SZRD1: variants seen among roughly 807,000 people sequenced by gnomAD.
SZRD1 encodes SUZ RNA binding domain containing 1.
In SZRD1, 7 loss-of-function variants were observed where a neutral mutation model predicts 17.6. The ratio of observed to expected loss-of-function variants is 0.40; its 90% CI spans 0.23 to 0.75. SZRD1 has a LOEUF of 0.75. Ranked by LOEUF, SZRD1 falls within the 30% of genes least tolerant of loss-of-function variation. SZRD1 has a pLI of 0.38. For missense variants in SZRD1, 178 were observed against 201.8 expected (o/e 0.88, Z 0.71); for synonymous variants, 77 against 77.9 (o/e 0.99, Z 0.06).
In SZRD1 at chr1:16,395,431, C is replaced by T; in HGVS notation, c.*291C>T. 2.3e-6 allele frequency: 1 copy of T among 440,272 alleles called. No individual in the cohort carries two copies. The highest frequency in any genetic ancestry group is 4.2e-6 in the Non-Finnish European group (1 of 236,484). The allele number at this position is 440,272 out of a possible 1,614,324, so 27.3% of individuals were successfully genotyped here. A position where few individuals can be genotyped will look rare whatever the true frequency, so the allele number is the denominator to read the frequency against. ...AGGTTGGGGGGACCCAGCAAGGACT[C>T]AGAGAGTCAGACAGTGCCACTTGGC... is the stretch of plus-strand genomic sequence containing the variant. On this transcript the variant is annotated 3_prime_UTR_variant, in exon 4 of 4. Coordinates refer to ENST00000401088, the MANE Select transcript of SZRD1 (RefSeq NM_001114600.3).
Position 16,391,226 on chromosome 1 carries a change from C to A in SZRD1, c.52-149C>A. On this transcript the variant is annotated intron_variant, in intron 1 of 3. Transcript: ENST00000401088. This position sits in a 1 kb window ranked among gnomAD's most constrained non-coding sequence, Gnocchi z 4.3. ...TGCAGAGGGTATCAGGTCCCCAAACCCCAAAATCTAGTCCACATTTGTTAT... is the reference window on the plus strand; with the variant it reads ...TGCAGAGGGTATCAGGTCCCCAAACACCAAAATCTAGTCCACATTTGTTAT... The A allele has an allele frequency of 1.5e-6, 1 of 646,064 alleles. No individual in the cohort carries two copies. Among genetic ancestry groups the A allele is most frequent in the Non-Finnish European group, 2.7e-6 (1 of 367,074 alleles). 40.0% of individuals were successfully genotyped at this position (646,064 alleles called of 1,614,324 possible).
At chr1:16,386,856 G>A (rs183805081) in intron 1 of SZRD1, among the ~76,000 whole-genome samples, 1 of 152,234 alleles carries the variant, frequency 6.6e-6, no homozygotes, top group East Asian at 1.9e-4. Flanking sequence ...GGAATTGGGG[G>A]AGATGACCAA....
At chr1:16,369,162 TTCC>T (rs2082869534) in intron 1 of SZRD1, 2 of 443,062 alleles carry the variant, frequency 4.5e-6, no homozygotes, top group African/African-American at 2.0e-5. Context: ...AATCCTCATC[TTCC>T]TCCTCTTTGT....
chr1:16,395,177 A>ACCGCCTCCTGGGTCGT lies in SZRD1; in HGVS notation c.*43_*58dup. 1 of 1,488,872 alleles carries ACCGCCTCCTGGGTCGT rather than the reference A, an allele frequency of 6.7e-7. No homozygotes were observed. Among genetic ancestry groups the ACCGCCTCCTGGGTCGT allele is most frequent in the Non-Finnish European group, 9.4e-7 (1 of 1,066,406 alleles). The allele number at this position is 1,488,872 out of a possible 1,614,324, so 92.2% of individuals were successfully genotyped here. On this transcript the variant is annotated 3_prime_UTR_variant, in exon 4 of 4. Coordinates refer to ENST00000401088, the MANE Select transcript of SZRD1 (RefSeq NM_001114600.3). ...AAAAGATGCCGCCGTTGCTGCCGTCACCGCCTCCTGGGTCGTCCGCCACGG... is the reference window on the plus strand; with the variant it reads ...AAAAGATGCCGCCGTTGCTGCCGTCACCGCCTCCTGGGTCGTCCGCCTCCTGGGTCGTCCGCCACGG...
At chr1:16,379,265 G>A (rs1399430853) in intron 1 of SZRD1, among the ~76,000 whole-genome samples, 1 of 150,828 alleles carries the variant, frequency 6.6e-6, no homozygotes, top group Non-Finnish European at 1.5e-5. Context: ...GACTACATGT[G>A]CCTGCCACCA....
intron 1 of SZRD1, among the ~76,000 whole-genome samples, chr1:16,380,376 CTCACTGCTG>C (rs1488762638): frequency 4.6e-5 from 7 of 151,986 alleles, no homozygotes; most frequent in African/African-American, 1.7e-4. Flanking sequence ...ATGATCTCAG[CTCACTGCTG>C]AGATCCTCCC....
At chr1:16,383,545 A>G (rs2083140214) in intron 1 of SZRD1, among the ~76,000 whole-genome samples, 1 of 150,634 alleles carries the variant, frequency 6.6e-6, no homozygotes, top group Non-Finnish European at 1.5e-5. Context: ...TAGAAGCAAC[A>G]TTTTAAAAGT....
At chr1:16,374,058 C>G (rs947512561) in intron 1 of SZRD1, among the ~76,000 whole-genome samples, 1 of 151,882 alleles carries the variant, frequency 6.6e-6, no homozygotes, top group Non-Finnish European at 1.5e-5. Context: ...AACAAAACAA[C>G]AAAAAAAGGC....
At chr1:16,379,875 C>G (rs2083068883) in intron 1 of SZRD1, among the ~76,000 whole-genome samples, 1 of 151,804 alleles carries the variant, frequency 6.6e-6, no homozygotes, top group Non-Finnish European at 1.5e-5. Flanking sequence ...ATTCTCCTGC[C>G]TCAGCCTCCC....
intron 1 of SZRD1, among the ~76,000 whole-genome samples, chr1:16,376,096 T>C (rs1421563971): frequency 2.0e-5 from 3 of 152,220 alleles, no homozygotes; most frequent in African/African-American, 7.2e-5. Flanking sequence ...TCATTAGCAG[T>C]GACCTTGTGA....
At chr1:16,383,138 G>T (rs2083134157) in intron 1 of SZRD1, among the ~76,000 whole-genome samples, 3 of 152,006 alleles carry the variant, frequency 2.0e-5, no homozygotes, top group Admixed American at 1.3e-4. Context: ...AGACACATGG[G>T]TAATTTTATA....
intron 1 of SZRD1, among the ~76,000 whole-genome samples, chr1:16,374,280 G>T (rs986145512): frequency 6.6e-6 from 1 of 152,190 alleles, no homozygotes; most frequent in Admixed American, 6.5e-5. Flanking sequence ...GTCCTCAGAA[G>T]GGGCTTTCTG....
In SZRD1 at chr1:16,380,026, A is replaced by G. The variant is rs12073106; in HGVS notation, c.52-11349A>G. ...TGGGTACTATTTTAGACATTGGACA[A>G]ATGCAGTGAATGAAGTTTCTGCTCT... On this transcript the variant is annotated intron_variant, in intron 1 of 3. Coordinates refer to ENST00000401088, the MANE Select transcript of SZRD1 (RefSeq NM_001114600.3). Among the ~76,000 whole-genome samples, 1,376 of 152,256 alleles carry G rather than the reference A, an allele frequency of 9.0e-3. 16 individuals carry two copies. Among genetic ancestry groups the G allele is most frequent in the African/African-American group, 0.032 (1,321 of 41,546 alleles).
chr1:16,389,274 GGT>G lies in SZRD1; in HGVS notation c.52-2099_52-2098del, dbSNP rs1481023771. On this transcript the variant is annotated intron_variant, in intron 1 of 3. Transcript: ENST00000401088. ...AATTTTTTGTATTTTTTTGAGGGGGGGTGGGGGGGGGGCAGAGTCTTGCTCTG... is the reference window on the plus strand; with the variant it reads ...AATTTTTTGTATTTTTTTGAGGGGGGGGGGGGGGGGCAGAGTCTTGCTCTG... Among the ~76,000 whole-genome samples, 780 of 133,072 alleles carry G rather than the reference GGT, an allele frequency of 5.9e-3. 9 individuals carry two copies. Among genetic ancestry groups the G allele is most frequent in the Non-Finnish European group, 7.7e-3 (485 of 62,792 alleles). The allele number at this position is 133,072 out of a possible 152,430, so 87.3% of individuals were successfully genotyped here.
chr1:16,374,176 CAGAA>C (rs549249762), intron 1 of SZRD1, among the ~76,000 whole-genome samples: 13 of 152,302 alleles, frequency 8.5e-5, no homozygotes, highest in Admixed American at 7.2e-4. Flanking sequence ...TGTGGTATCA[CAGAA>C]AGCACAGTTC....
rs192697708 is a variant in SZRD1 at position 16,378,952 on chromosome 1, C to T, written c.51+11644C>T. Among the ~76,000 whole-genome samples the T allele has an allele frequency of 3.6e-3, 539 of 151,798 alleles. 2 individuals carry two copies. Among genetic ancestry groups the T allele is most frequent in the Non-Finnish European group, 5.1e-3 (345 of 67,926 alleles). ...ATTTTGACCAGGCTGGTCTCGAGCTCCTGACCTCAGGGGATCCACCCGCCT... is the reference window on the plus strand; with the variant it reads ...ATTTTGACCAGGCTGGTCTCGAGCTTCTGACCTCAGGGGATCCACCCGCCT... On this transcript the variant is annotated intron_variant, in intron 1 of 3. Transcript: ENST00000401088.
At chr1:16,394,928 C>A (rs2085283742) in intron 3 of SZRD1, 110 bp from the exon 4 acceptor site, 1 of 689,468 alleles carries the variant, frequency 1.5e-6, no homozygotes, top group Admixed American at 2.8e-5. Context: ...GCACTCCAAT[C>A]TAGGTGACAG....
At chr1:16,394,006 T>C (rs2085262190) in intron 3 of SZRD1, among the ~76,000 whole-genome samples, 1 of 152,210 alleles carries the variant, frequency 6.6e-6, no homozygotes, top group South Asian at 2.1e-4. Context: ...CTGTGATGTT[T>C]TTGTGAATTT....
chr1:16,393,291 G>T lies in SZRD1; in HGVS notation c.165G>T (p.Gly55=), dbSNP rs370945169. 1.8e-4 allele frequency: 290 copies of T among 1,614,008 alleles called. No homozygotes were observed. The highest frequency in any genetic ancestry group is 2.2e-4 in the Non-Finnish European group (262 of 1,180,018). The change falls in exon 3 of 4, where the codon GGG becomes GGT. Residue 55 remains glycine (G), a synonymous_variant. Transcript: ENST00000401088. The surrounding 1 kb of genome is among the most constrained non-coding windows in gnomAD (Gnocchi z 5.6). ...TTCAGGACGATAGCCTTCCCGCGGGGCCCCCTCCACAGATCCGCATCCTCA... is the reference window on the plus strand; with the variant it reads ...TTCAGGACGATAGCCTTCCCGCGGGTCCCCCTCCACAGATCCGCATCCTCA... ...IVIQDDSLPA[G]PPPQIRILKR... is the part of the protein sequence containing the mutation.
Sources: gnomAD v4.1 joint callset for allele counts (sites outside exome capture counted in the v4.1 genomes callset) on GRCh38, gnomAD v4.1.1 for gene constraint, Gnocchi (gnomAD v3.1) non-coding constraint, MANE v1.5 for transcripts, NCBI Gene and HGNC (gene_info 2026-07-23, HGNC 2026-07-21) for gene names.